Variants in FSHR observed in about 807,000 individuals in gnomAD.
FSHR encodes follicle stimulating hormone receptor, also known as follicle-stimulating hormone receptor.
In FSHR, 46 loss-of-function variants were observed where a neutral mutation model predicts 52.1. That is an observed-to-expected ratio of 0.88 (90% CI 0.70 to 1.13). The LOEUF (loss-of-function observed/expected upper bound fraction) is 1.13. FSHR is among the 50% of genes most tolerant of loss of function. The pLI, the probability that FSHR is intolerant of heterozygous loss-of-function variation, is 0.00. For synonymous variants in FSHR, 399 were observed against 309.6 expected (o/e 1.29, Z -3.03); for missense variants, 964 against 834.6 (o/e 1.16, Z -1.91).
chr2:49,054,227 G>T (rs1006795483), intron 2 of FSHR, among the ~76,000 whole-genome samples: 3 of 152,156 alleles, frequency 2.0e-5, no homozygotes, highest in African/African-American at 7.2e-5. Flanking sequence ...GTAGCTCTGT[G>T]GGTGGACCCC....
intron 1 of FSHR, among the ~76,000 whole-genome samples, chr2:49,117,647 G>T (rs1671652321): frequency 6.6e-6 from 1 of 152,126 alleles, no homozygotes; most frequent in Admixed American, 6.5e-5. Flanking sequence ...GATATCAAAA[G>T]CCCAGTAACT....
At chr2:49,059,215 T>A (rs67028482) in intron 2 of FSHR, among the ~76,000 whole-genome samples, 18,083 of 151,110 alleles carry the variant, frequency 0.12, 1,758 homozygotes, top group East Asian at 0.26. Context: ...ATTAAAAAAA[T>A]AATAATAAAA....
At chr2:49,063,660 A>C (rs901786318) in intron 2 of FSHR, among the ~76,000 whole-genome samples, 3 of 152,132 alleles carry the variant, frequency 2.0e-5, no homozygotes, top group African/African-American at 7.2e-5. Context: ...TGGTTATTGG[A>C]GGCAGGGAAG....
intron 4 of FSHR, among the ~76,000 whole-genome samples, chr2:49,003,005 C>G (rs568300998): frequency 6.6e-6 from 1 of 152,250 alleles, no homozygotes; most frequent in African/African-American, 2.4e-5. Context: ...CAGGCTTTCT[C>G]TTCTTAGCAC....
intron 2 of FSHR, among the ~76,000 whole-genome samples, chr2:49,042,360 T>C (rs1668508279): frequency 6.6e-6 from 1 of 152,006 alleles, no homozygotes; most frequent in Non-Finnish European, 1.5e-5. Context: ...AAGGAGAAGA[T>C]TTTTGCATGC....
chr2:49,105,568 A>C (rs963060800), intron 1 of FSHR, among the ~76,000 whole-genome samples: 1 of 152,138 alleles, frequency 6.6e-6, no homozygotes, highest in Non-Finnish European at 1.5e-5. Context: ...AAAAACAACT[A>C]AGTTTCTGCT....
intron 1 of FSHR, among the ~76,000 whole-genome samples, chr2:49,089,383 A>G (rs1459145989): frequency 6.6e-6 from 1 of 152,222 alleles, no homozygotes. Context: ...TCAAGGATAC[A>G]TTCTGCTTCT....
At chr2:49,117,465 T>G (rs2103770044) in intron 1 of FSHR, among the ~76,000 whole-genome samples, 1 of 152,360 alleles carries the variant, frequency 6.6e-6, no homozygotes, top group East Asian at 1.9e-4. Flanking sequence ...GATAGTCATT[T>G]TATCTTTTGC....
chr2:49,138,458 C>G (rs1207651044), intron 1 of FSHR, among the ~76,000 whole-genome samples: 2 of 152,106 alleles, frequency 1.3e-5, no homozygotes, highest in Admixed American at 6.6e-5. Flanking sequence ...ACCCAAATGT[C>G]CATCAACAGA....
chr2:49,104,573 G>C (rs1289110472), intron 1 of FSHR, among the ~76,000 whole-genome samples: 1 of 152,166 alleles, frequency 6.6e-6, no homozygotes, highest in Non-Finnish European at 1.5e-5. Flanking sequence ...GACAGAATCA[G>C]GTTGACTTGC....
At chr2:49,136,416 C>T (rs981098287) in intron 1 of FSHR, among the ~76,000 whole-genome samples, 1 of 152,066 alleles carries the variant, frequency 6.6e-6, no homozygotes, top group Non-Finnish European at 1.5e-5. Context: ...GATGGCTTCA[C>T]TGTTGAATTC....
At chr2:49,063,450 G>A (rs201029766) in intron 2 of FSHR, among the ~76,000 whole-genome samples, 4 of 150,042 alleles carry the variant, frequency 2.7e-5, no homozygotes, top group African/African-American at 7.4e-5. Flanking sequence ...ATATATATAT[G>A]TATGTGACAC....
intron 1 of FSHR, among the ~76,000 whole-genome samples, chr2:49,079,266 G>C (rs951493282): frequency 6.6e-6 from 1 of 152,102 alleles, no homozygotes; most frequent in Admixed American, 6.5e-5. Flanking sequence ...ACATTTATAA[G>C]TGGTAAGTTT....
intron 1 of FSHR, among the ~76,000 whole-genome samples, chr2:49,084,672 G>T (rs1178740905): frequency 1.3e-5 from 2 of 152,160 alleles, no homozygotes; most frequent in Admixed American, 1.3e-4. Flanking sequence ...TATCATCACC[G>T]ATCCCACAGA....
At chr2:49,067,508 C>T (rs1669552243) in intron 2 of FSHR, among the ~76,000 whole-genome samples, 1 of 152,088 alleles carries the variant, frequency 6.6e-6, no homozygotes, top group Non-Finnish European at 1.5e-5. Context: ...CTGGCTGTCT[C>T]ACTGCAGAGA....
chr2:49,105,214 T>G (rs1181664293), intron 1 of FSHR, among the ~76,000 whole-genome samples: 1 of 152,130 alleles, frequency 6.6e-6, no homozygotes, highest in Non-Finnish European at 1.5e-5. Context: ...CCTTGAAAAG[T>G]GAGAAAGGGA....
At chr2:49,089,327 AAT>A (rs1296222913) in intron 1 of FSHR, among the ~76,000 whole-genome samples, 3 of 152,100 alleles carry the variant, frequency 2.0e-5, no homozygotes, top group African/African-American at 7.2e-5. Context: ...TTTTACCAGA[AAT>A]CAAGATAAAT....
rs150939275 is a variant in FSHR at position 48,991,145 on chromosome 2, G to A, written c.375-508C>T. On this transcript the variant is annotated intron_variant, in intron 4 of 9. Coordinates refer to ENST00000406846, the MANE Select transcript of FSHR (RefSeq NM_000145.4). The stretch of plus-strand genomic sequence containing the variant: ...TTAGAGGTTGGTTAGAGCTTCTGCT[G>A]TCATTACCCTTACGAGATGGTTATA... 1.3e-4 allele frequency among the ~76,000 whole-genome samples: 20 copies of A among 152,242 alleles called. No homozygotes were observed. The East Asian group carries it at 3.9e-3, about 29-fold the overall frequency.
At chr2:48,983,528 C>A (rs775712160) in intron 6 of FSHR, among the ~76,000 whole-genome samples, 1 of 152,146 alleles carries the variant, frequency 6.6e-6, no homozygotes, top group Non-Finnish European at 1.5e-5. Context: ...TCCTGAAGGA[C>A]AGGAATCGTA....
Sources: allele counts gnomAD v4.1 joint callset (sites outside exome capture counted in the v4.1 genomes callset), GRCh38; gene constraint gnomAD v4.1.1; transcripts MANE v1.5; gene names NCBI Gene and HGNC (gene_info 2026-07-23, HGNC 2026-07-21).